Variants in NCAPD3 observed in about 807,000 individuals in gnomAD.
The protein encoded by NCAPD3 is non-SMC condensin II complex subunit D3, also known as condensin-2 complex subunit D3.
Under a neutral mutation model 182.9 loss-of-function variants are expected in NCAPD3, and 105 were observed. The observed-to-expected ratio is 0.57, with a 90% CI of 0.49 to 0.68. The LOEUF (loss-of-function observed/expected upper bound fraction) is 0.68, where lower values mean the gene tolerates loss of function less well. Ranked by LOEUF, NCAPD3 falls within the 30% of genes least tolerant of loss-of-function variation. The pLI is 0.00. For synonymous variants in NCAPD3, 815 were observed against 679.9 expected, an observed-to-expected ratio of 1.20 and a Z score of -3.09; for missense variants, 1,944 against 1,837.0, an observed-to-expected ratio of 1.06 and a Z score of -1.07.
upstream of NCAPD3, chr11:134,225,224 G>T (rs752690816): frequency 6.2e-7 from 1 of 1,614,050 alleles, no homozygotes; most frequent in African/African-American, 1.3e-5. Context: ...ACGGGAAGAA[G>T]GAGAAATATT....
chr11:134,185,895 G>A (rs1360012372), intron 16 of NCAPD3: 1 of 150,518 alleles, frequency 6.6e-6, no homozygotes, highest in Non-Finnish European at 1.4e-5. Context: ...ACAAAAATTA[G>A]TAACATTGTC....
At chr11:134,174,803 T>C (rs544975607) in intron 24 of NCAPD3, among the ~76,000 whole-genome samples, 5 of 152,342 alleles carry the variant, frequency 3.3e-5, no homozygotes, top group Admixed American at 3.3e-4. Flanking sequence ...GATTTGATCA[T>C]TGCATGCTCT....
chr11:134,172,010 C>A (rs1944017264), intron 24 of NCAPD3, among the ~76,000 whole-genome samples: 1 of 152,134 alleles, frequency 6.6e-6, no homozygotes, highest in Non-Finnish European at 1.5e-5. Context: ...AACTCATGCC[C>A]CTCAGGAAAC....
At chr11:134,153,395 G>A (rs1274474028) in intron 32 of NCAPD3, 32 bp from the exon 33 acceptor site, 3 of 1,607,982 alleles carry the variant, frequency 1.9e-6, no homozygotes, top group East Asian at 2.2e-5. Flanking sequence ...CTGAGTGAAA[G>A]CCGCGTGGTC....
chr11:134,178,850 G>A lies in NCAPD3; in HGVS notation c.2646C>T (p.Val882=), dbSNP rs756382481. The A allele has an allele frequency of 6.2e-7, 1 of 1,614,144 alleles. No individual in the cohort carries two copies. Among genetic ancestry groups the A allele is most frequent in the Non-Finnish European group, 8.5e-7 (1 of 1,180,012 alleles). ...GGTCAGCATCAGCAGACGAAGCCAGGACGGACTGAATCAGAAGGAAGATGC... is the reference window on the plus strand; with the variant it reads ...GGTCAGCATCAGCAGACGAAGCCAGAACGGACTGAATCAGAAGGAAGATGC... The part of the protein sequence containing the change: ...EKRIFLLIQS[V]LASSADADHS... The change falls in exon 21 of 35, where the codon GTC becomes GTT. Residue 882 remains valine (V), a synonymous_variant. Transcript: ENST00000534548.
At chr11:134,182,069 T>C (rs1269635424) in intron 19 of NCAPD3, among the ~76,000 whole-genome samples, 3 of 152,168 alleles carry the variant, frequency 2.0e-5, no homozygotes, top group Non-Finnish European at 2.9e-5. Flanking sequence ...TTTTAATAGA[T>C]TGCACAACCT....
At chr11:134,201,746 A>C (rs1944754096) in intron 13 of NCAPD3, among the ~76,000 whole-genome samples, 1 of 152,230 alleles carries the variant, frequency 6.6e-6, no homozygotes, top group Non-Finnish European at 1.5e-5. Flanking sequence ...GTAAATCCGT[A>C]ACCTGTTTAG....
At chr11:134,169,729 T>C (rs932128020) in intron 24 of NCAPD3, among the ~76,000 whole-genome samples, 1 of 152,202 alleles carries the variant, frequency 6.6e-6, no homozygotes, top group Non-Finnish European at 1.5e-5. Flanking sequence ...CAATGCCAGA[T>C]GTAAACAGGC....
At chr11:134,155,402 G>A (rs1943392253) in intron 32 of NCAPD3, among the ~76,000 whole-genome samples, 1 of 152,118 alleles carries the variant, frequency 6.6e-6, no homozygotes, top group South Asian at 2.1e-4. Context: ...GAGACCTCCA[G>A]GCATTTCTTC....
intron 27 of NCAPD3, among the ~76,000 whole-genome samples, chr11:134,162,952 G>A (rs1943629759): frequency 6.6e-6 from 1 of 152,200 alleles, no homozygotes. Context: ...ATGATCCTGA[G>A]GATGTGTGGA....
chr11:134,209,985 G>C (rs1337211907), intron 4 of NCAPD3, among the ~76,000 whole-genome samples: 1 of 152,182 alleles, frequency 6.6e-6, no homozygotes, highest in Non-Finnish European at 1.5e-5. Flanking sequence ...GAACCCATGA[G>C]GTGGAGGTTG....
rs142896286 is a variant in NCAPD3 at position 134,210,453 on chromosome 11, G to A, written c.384C>T (p.Gly128=). 6.7e-4 allele frequency: 1,079 copies of A among 1,612,512 alleles called. 3 individuals carry two copies. The highest frequency in any genetic ancestry group is 7.7e-4 in the Non-Finnish European group (904 of 1,178,766). Residue 128 remains glycine, a splice_region_variant and synonymous_variant, in exon 4 of 35, where the codon GGC becomes GGT. Coordinates refer to ENST00000534548, the MANE Select transcript of NCAPD3 (RefSeq NM_015261.3). ...GLYFLLLEVP[G]SVANQVFHPV... is the part of the protein sequence containing the mutation. ...GGTGGAATACTTGATTGGCTACACT[G>A]CCTATTCATGAGGAATAAAGAGTAA...
rs368313570 is a variant in NCAPD3, at chr11:134,157,812, C to T, written c.4174+116G>A. The T allele has an allele frequency of 3.2e-5, 37 of 1,158,198 alleles. 1 individual carries two copies. Among genetic ancestry groups the T allele is most frequent in the East Asian group, 1.2e-4 (5 of 42,062 alleles). The allele number at this position is 1,158,198 out of a possible 1,614,324, so 71.7% of individuals were successfully genotyped here. A position where few individuals can be genotyped will look rare whatever the true frequency, so the allele number is the denominator to read the frequency against. On this transcript the variant is annotated intron_variant, in intron 31 of 34. Coordinates refer to ENST00000534548, the MANE Select transcript of NCAPD3 (RefSeq NM_015261.3). ...CCCATGATCCTAAAAGCCCAATTAA[C>T]GTTATTTGTTTTAAAGATAAGAAAA...
In NCAPD3 at chr11:134,185,543, T is replaced by C. The variant is rs369639883; in HGVS notation, c.2046-17A>G. 1.3e-4 allele frequency: 204 copies of C among 1,562,176 alleles called. No homozygotes were observed. The highest frequency in any genetic ancestry group is 1.6e-4 in the Non-Finnish European group (185 of 1,150,056). Reference sequence around the variant, plus strand: ...AAATATCGGCTGGAAAAAAAAAAGATAGAAAAGCAGAATTGCAACTGTAAA... The same window carrying C: ...AAATATCGGCTGGAAAAAAAAAAGACAGAAAAGCAGAATTGCAACTGTAAA... On this transcript the variant is annotated splice_polypyrimidine_tract_variant and intron_variant, in intron 16 of 34. Coordinates refer to ENST00000534548, the MANE Select transcript of NCAPD3 (RefSeq NM_015261.3).
At chr11:134,159,590 G>A (rs747018517) in intron 29 of NCAPD3, among the ~76,000 whole-genome samples, 4 of 152,230 alleles carry the variant, frequency 2.6e-5, no homozygotes, top group Admixed American at 1.3e-4. Context: ...TAAAGAGGGA[G>A]TGCTGGGGGA....
chr11:134,156,763 C>T (rs61745226), intron 32 of NCAPD3: 11,761 of 331,852 alleles, frequency 0.035, 1,322 homozygotes, highest in African/African-American at 0.23. Context: ...TGTGCCTCAA[C>T]GGCATTGTCT....
chr11:134,181,238 C>T lies in NCAPD3; in HGVS notation c.2452-54G>A, dbSNP rs370432069. ...GGGCCCCGCACATCTCCCAGACTAC[C>T]CATGAAACACCATGTTCTCAGAAGA... On this transcript the variant is annotated intron_variant, in intron 19 of 34. Transcript: ENST00000534548. 40 of 1,090,676 alleles carry T rather than the reference C, an allele frequency of 3.7e-5. No individual in the cohort carries two copies. In the East Asian group the frequency reaches 7.6e-4, roughly 21 times the overall value. 67.6% of individuals were successfully genotyped at this position (1,090,676 alleles called of 1,614,324 possible). A position where few individuals can be genotyped will look rare whatever the true frequency, so the allele number is the denominator to read the frequency against.
At chr11:134,165,226 TAGG>T (rs1160797913) in intron 27 of NCAPD3, among the ~76,000 whole-genome samples, 2 of 143,916 alleles carry the variant, frequency 1.4e-5, no homozygotes, top group Non-Finnish European at 3.0e-5. Flanking sequence ...GAGATGAGCT[TAGG>T]GGAGCAGCAC....
At chr11:134,177,693 C>T (rs1038067046) in intron 22 of NCAPD3, 2 of 517,710 alleles carry the variant, frequency 3.9e-6, no homozygotes, top group Non-Finnish European at 6.8e-6. Context: ...TGTTCCTTTA[C>T]ACTAATAAAA....
Sources: gnomAD v4.1 joint callset for allele counts (sites outside exome capture counted in the v4.1 genomes callset) on GRCh38, gnomAD v4.1.1 for gene constraint, MANE v1.5 for transcripts, NCBI Gene and HGNC (gene_info 2026-07-23, HGNC 2026-07-21) for gene names.